The following SEC24B variants were observed in gnomAD, a reference collection of about 807,000 sequenced individuals.
SEC24B encodes protein transport protein Sec24B.
Under a neutral mutation model 142.8 loss-of-function variants are expected in SEC24B, and 45 were observed. The ratio of observed to expected loss-of-function variants is 0.32; its 90% confidence interval spans 0.25 to 0.40. SEC24B has a LOEUF of 0.40. Among genes scored for constraint, SEC24B ranks in the 10% least tolerant of loss-of-function variants. The pLI is 1.00. For synonymous variants in SEC24B, 574 were observed against 568.2 expected (o/e 1.01, Z -0.15); for missense variants, 1,409 against 1,526.8 (o/e 0.92, Z 1.29).
intron 1 of SEC24B, among the ~76,000 whole-genome samples, chr4:109,437,436 A>G (rs973222410): frequency 6.6e-6 from 1 of 151,958 alleles, no homozygotes; most frequent in African/African-American, 2.4e-5. Context: ...GGCATGCACT[A>G]CCACTCCTGG....
intron 1 of SEC24B, among the ~76,000 whole-genome samples, chr4:109,459,768 G>C (rs1731070602): frequency 1.3e-5 from 2 of 152,148 alleles, no homozygotes; most frequent in African/African-American, 4.8e-5. Context: ...TCTCGTTTCA[G>C]ATCATGTAGC....
At position 109,539,694 on chromosome 4, in the gene SEC24B, A is replaced by T. The variant is rs765789172; in HGVS notation, c.*19A>T. Reference sequence around the variant, plus strand: ...TAAGTGAAGTAGAATAAAATTGAATAAGAAAAAGATCTATAACCTAGGTAA... The same window carrying T: ...TAAGTGAAGTAGAATAAAATTGAATTAGAAAAAGATCTATAACCTAGGTAA... On this transcript the variant is annotated 3_prime_UTR_variant, in exon 24 of 24. Coordinates refer to ENST00000265175, the MANE Select transcript of SEC24B (RefSeq NM_006323.5). The T allele has an allele frequency of 6.7e-7, 1 of 1,490,624 alleles. No individual in the cohort carries two copies. Among genetic ancestry groups the T allele is most frequent in the Admixed American group, 1.7e-5 (1 of 58,608 alleles). The allele number at this position is 1,490,624 out of a possible 1,614,324, so 92.3% of individuals were successfully genotyped here. A position where few individuals can be genotyped will look rare whatever the true frequency, so the allele number is the denominator to read the frequency against.
At chr4:109,485,438 G>C (rs13143825) in intron 4 of SEC24B, among the ~76,000 whole-genome samples, 26,559 of 152,142 alleles carry the variant, frequency 0.17, 2,616 homozygotes, top group African/African-American at 0.27. Context: ...GAACATAAAC[G>C]GCCAGAGTAG....
chr4:109,486,024 A>G (rs1004567739), intron 4 of SEC24B, among the ~76,000 whole-genome samples: 2 of 152,242 alleles, frequency 1.3e-5, no homozygotes, highest in Non-Finnish European at 2.9e-5. Context: ...AAAATCTATC[A>G]GGAGGTATCT....
chr4:109,515,261 C>T lies in SEC24B; in HGVS notation c.2014-1267C>T, dbSNP rs528515699. Among the ~76,000 whole-genome samples the T allele has an allele frequency of 1.7e-4, 26 of 151,946 alleles. No individual in the cohort carries two copies. In the South Asian group the frequency reaches 4.4e-3, roughly 26 times the overall value. On this transcript the variant is annotated intron_variant, in intron 10 of 23. Transcript: ENST00000265175. ...GACTACAGGCTCCCGCCACCACGCC[C>T]GGCTAATTTTTTGTATTTTTAAGTA...
At chr4:109,474,019 C>T (rs1732809104) in intron 3 of SEC24B, among the ~76,000 whole-genome samples, 1 of 152,124 alleles carries the variant, frequency 6.6e-6, no homozygotes, top group Non-Finnish European at 1.5e-5. Flanking sequence ...AGGAAAAAAG[C>T]ATGATAAATT....
At chr4:109,448,537 C>T (rs1265662128) in intron 1 of SEC24B, among the ~76,000 whole-genome samples, 4 of 151,894 alleles carry the variant, frequency 2.6e-5, no homozygotes, top group East Asian at 1.9e-4. Context: ...CAGGTTCAAG[C>T]GATTCTCCTG....
At chr4:109,511,636 A>G (rs1207089802) in intron 8 of SEC24B, among the ~76,000 whole-genome samples, 1 of 152,238 alleles carries the variant, frequency 6.6e-6, no homozygotes, top group Non-Finnish European at 1.5e-5. Context: ...TGCAGTCAAC[A>G]AAGACAAAGG....
intron 9 of SEC24B, among the ~76,000 whole-genome samples, chr4:109,512,490 TC>T (rs1737452075): frequency 1.3e-5 from 2 of 152,286 alleles, no homozygotes; most frequent in African/African-American, 4.8e-5. Flanking sequence ...TTCTTCGGGT[TC>T]CCCTACTAGA....
chr4:109,465,949 T>A (rs1731810106), intron 2 of SEC24B, among the ~76,000 whole-genome samples: 1 of 152,180 alleles, frequency 6.6e-6, no homozygotes, highest in South Asian at 2.1e-4. Context: ...AGAAGTGGGT[T>A]TTTTTCCCCT....
At chr4:109,465,419 A>G (rs758168570) in intron 2 of SEC24B, among the ~76,000 whole-genome samples, 10 of 152,020 alleles carry the variant, frequency 6.6e-5, no homozygotes, top group East Asian at 3.9e-4. Context: ...TTGTTTTACA[A>G]ATGAAGAAAG....
Position 109,463,223 on chromosome 4 carries a change from C to T in SEC24B, c.456C>T (p.Tyr152=). Residue 152 remains tyrosine, a synonymous_variant, in exon 2 of 24, where the codon TAC becomes TAT. Coordinates refer to ENST00000265175, the MANE Select transcript of SEC24B (RefSeq NM_006323.5). Reference sequence around the variant, plus strand: ...TGCATACGAGTGCCTCCCAACCATACTCCTCTTTTGTGAATCACTACAATA... The same window carrying T: ...TGCATACGAGTGCCTCCCAACCATATTCCTCTTTTGTGAATCACTACAATA... ...SHLHTSASQP[Y]SSFVNHYNSP... 6.2e-7 allele frequency: 1 copy of T among 1,614,166 alleles called. No individual in the cohort carries two copies. Among genetic ancestry groups the T allele is most frequent in the African/African-American group, 1.3e-5 (1 of 75,046 alleles).
chr4:109,522,062 T>C (rs932908920), intron 14 of SEC24B, among the ~76,000 whole-genome samples: 1 of 150,566 alleles, frequency 6.6e-6, no homozygotes, highest in African/African-American at 2.4e-5. Context: ...TTTTTGTTTT[T>C]TTTTTTTGAG....
At chr4:109,533,723 T>C (rs768373201) in intron 22 of SEC24B, 38 bp downstream of exon 22, 6 of 1,200,702 alleles carry the variant, frequency 5.0e-6, no homozygotes, top group Non-Finnish European at 7.3e-6. Flanking sequence ...TTTTGTTTGC[T>C]CATTTTTTTT....
At chr4:109,485,000 G>C (rs1734204454) in intron 4 of SEC24B, among the ~76,000 whole-genome samples, 1 of 151,856 alleles carries the variant, frequency 6.6e-6, no homozygotes, top group Non-Finnish European at 1.5e-5. Context: ...AGCACTTACT[G>C]AATGCCAGTC....
intron 10 of SEC24B, among the ~76,000 whole-genome samples, chr4:109,515,252 C>T (rs1000640928): frequency 7.2e-5 from 11 of 152,022 alleles, no homozygotes; most frequent in Non-Finnish European, 1.6e-4. Flanking sequence ...AGGCTCCCGC[C>T]ACCACGCCCG....
intron 1 of SEC24B, among the ~76,000 whole-genome samples, chr4:109,446,809 GT>G (rs545792857): frequency 5.8e-4 from 88 of 152,258 alleles, no homozygotes; most frequent in Middle Eastern, 3.4e-3. Context: ...ATTGTGATAA[GT>G]GCCTGATACA....
At chr4:109,539,216 C>T (rs1252357338) in intron 23 of SEC24B, among the ~76,000 whole-genome samples, 1 of 152,122 alleles carries the variant, frequency 6.6e-6, no homozygotes. Flanking sequence ...CCCACCTCGG[C>T]CTCTCAAAGT....
intron 15 of SEC24B, 24 bp from the exon 16 acceptor site, chr4:109,525,322 T>C: frequency 6.5e-7 from 1 of 1,549,712 alleles, no homozygotes; most frequent in African/African-American, 1.4e-5. Context: ...CTATAGCTAA[T>C]ACTTTTTGTA....
Sources: gnomAD v4.1 joint callset for allele counts (sites outside exome capture counted in the v4.1 genomes callset) on GRCh38, gnomAD v4.1.1 for gene constraint, MANE v1.5 for transcripts, NCBI Gene and HGNC (gene_info 2026-07-23, HGNC 2026-07-21) for gene names.